The following LAMA2 variants were observed in gnomAD, a reference collection of about 807,000 sequenced individuals.
LAMA2 encodes laminin subunit alpha-2.
Under a neutral mutation model 364.8 loss-of-function variants are expected in LAMA2, and 269 were observed. The observed-to-expected ratio is 0.74, with a 90% CI of 0.67 to 0.82. The LOEUF (loss-of-function observed/expected upper bound fraction) is 0.82. Ranked by LOEUF, LAMA2 falls within the 40% of genes least tolerant of loss-of-function variation. The probability of loss-of-function intolerance (pLI) is 0.00; values close to 1 mark genes in which losing one functional copy is unlikely to be tolerated. For missense variants in LAMA2, 3,807 were observed against 3,873.2 expected (o/e 0.98, Z 0.45); for synonymous variants, 1,379 against 1,370.6 (o/e 1.01, Z -0.14).
intron 12 of LAMA2, among the ~76,000 whole-genome samples, chr6:129,227,539 T>C (rs111690153): frequency 1.1e-3 from 162 of 152,346 alleles, no homozygotes; most frequent in African/African-American, 3.6e-3. Flanking sequence ...TTAGTTTTCC[T>C]TCTTACAGTC....
chr6:129,500,250 T>C (rs1218993105), intron 58 of LAMA2, among the ~76,000 whole-genome samples: 1 of 152,202 alleles, frequency 6.6e-6, no homozygotes, highest in Non-Finnish European at 1.5e-5. Context: ...TCAGTCCTTT[T>C]CCAACTGCCA....
intron 4 of LAMA2, among the ~76,000 whole-genome samples, chr6:129,100,372 A>C (rs1775452800): frequency 6.6e-6 from 1 of 152,198 alleles, no homozygotes; most frequent in Non-Finnish European, 1.5e-5. Flanking sequence ...ACTCATGGGG[A>C]AGTGAATGAA....
In LAMA2 at chr6:129,292,616, A is replaced by G. The variant is rs185461675; in HGVS notation, c.2856+896A>G. On this transcript the variant is annotated intron_variant, in intron 20 of 64. Coordinates refer to ENST00000421865, the MANE Select transcript of LAMA2 (RefSeq NM_000426.4). ...CAGATTCCTCCATGAGGGTGGACAG[A>G]TTTGCTCTAGCGCTTTCACAAAAAT... 7.0e-4 allele frequency among the ~76,000 whole-genome samples: 106 copies of G among 152,338 alleles called. 1 individual carries two copies. The East Asian group carries it at 0.019, about 27-fold the overall frequency.
rs749575030 is a variant in LAMA2 at position 129,494,898 on chromosome 6, A to G, written c.8244+2415A>G. On this transcript the variant is annotated intron_variant, in intron 58 of 64. Transcript: ENST00000421865. ...CATGTTTTCAGTTGAAGAATTAGAA[A>G]ACATCATGAGTTGAATAAACTTTTT... is the stretch of plus-strand genomic sequence containing the variant. Among the ~76,000 whole-genome samples the G allele has an allele frequency of 1.2e-3, 187 of 152,376 alleles. 3 individuals are homozygous for G. Among genetic ancestry groups the G allele is most frequent in the Non-Finnish European group, 1.3e-3 (90 of 68,046 alleles).
intron 12 of LAMA2, among the ~76,000 whole-genome samples, chr6:129,207,301 T>C (rs1782741418): frequency 1.3e-5 from 2 of 152,224 alleles, no homozygotes; most frequent in African/African-American, 4.8e-5. Context: ...TCTTTTTTTT[T>C]TCTTCACTTT....
chr6:129,248,799 G>C (rs1401294276), intron 12 of LAMA2, among the ~76,000 whole-genome samples: 1 of 152,118 alleles, frequency 6.6e-6, no homozygotes, highest in Admixed American at 6.5e-5. Flanking sequence ...GAAGAAGCAT[G>C]CTGTGTGAAA....
chr6:129,061,318 G>C (rs1156902637), intron 3 of LAMA2, among the ~76,000 whole-genome samples: 1 of 152,030 alleles, frequency 6.6e-6, no homozygotes, highest in Non-Finnish European at 1.5e-5. Flanking sequence ...TTATTGTTCT[G>C]GTTTATTCTC....
chr6:128,955,520 A>C (rs1371086519), intron 1 of LAMA2, among the ~76,000 whole-genome samples: 1 of 152,008 alleles, frequency 6.6e-6, no homozygotes, highest in East Asian at 1.9e-4. Flanking sequence ...CAAAATATGT[A>C]AAAGAACTCA....
chr6:129,317,110 C>T (rs893862678), intron 27 of LAMA2, among the ~76,000 whole-genome samples: 1 of 152,098 alleles, frequency 6.6e-6, no homozygotes, highest in Non-Finnish European at 1.5e-5. Flanking sequence ...CCCTCATGGT[C>T]ATATTCTTTG....
intron 4 of LAMA2, among the ~76,000 whole-genome samples, chr6:129,103,229 G>A (rs955292133): frequency 1.3e-5 from 2 of 152,198 alleles, no homozygotes; most frequent in African/African-American, 4.8e-5. Context: ...TGTTGTCATT[G>A]AGAGTGTTGA....
At chr6:129,461,214 T>G (rs1783238397) in intron 49 of LAMA2, among the ~76,000 whole-genome samples, 1 of 152,012 alleles carries the variant, frequency 6.6e-6, no homozygotes, top group South Asian at 2.1e-4. Flanking sequence ...CTAAGGAGTT[T>G]GTGTTATTTT....
chr6:129,104,976 G>A (rs1458341418), intron 4 of LAMA2, among the ~76,000 whole-genome samples: 1 of 152,150 alleles, frequency 6.6e-6, no homozygotes, highest in African/African-American at 2.4e-5. Context: ...GAGGATATAG[G>A]CAAGATAATA....
chr6:128,976,266 C>T (rs965899299), intron 1 of LAMA2, among the ~76,000 whole-genome samples: 1 of 152,182 alleles, frequency 6.6e-6, no homozygotes, highest in Non-Finnish European at 1.5e-5. Flanking sequence ...GAGAAAGATA[C>T]ATCTGGAGAG....
At chr6:129,026,106 A>G (rs998945199) in intron 1 of LAMA2, among the ~76,000 whole-genome samples, 5 of 152,172 alleles carry the variant, frequency 3.3e-5, no homozygotes, top group East Asian at 1.9e-4. Context: ...GACATAGACT[A>G]TTTTCCGTAA....
intron 1 of LAMA2, among the ~76,000 whole-genome samples, chr6:128,945,138 T>A (rs561513658): frequency 6.6e-6 from 1 of 152,332 alleles, no homozygotes; most frequent in Admixed American, 6.5e-5. Context: ...TTTTCAAATA[T>A]CTGAGAAAAT....
chr6:129,273,160 C>T (rs1788059457), intron 17 of LAMA2, among the ~76,000 whole-genome samples: 1 of 152,132 alleles, frequency 6.6e-6, no homozygotes, highest in Admixed American at 6.6e-5. Context: ...TAATTAAAGG[C>T]TACTCAAGCC....
chr6:129,435,793 C>T (rs1006113440), intron 41 of LAMA2, among the ~76,000 whole-genome samples: 1 of 152,152 alleles, frequency 6.6e-6, no homozygotes, highest in Admixed American at 6.6e-5. Flanking sequence ...CACATCCAGA[C>T]ACCGATAGTT....
intron 12 of LAMA2, among the ~76,000 whole-genome samples, chr6:129,231,231 CAT>C (rs1784650629): frequency 6.6e-6 from 1 of 152,050 alleles, no homozygotes; most frequent in South Asian, 2.1e-4. Flanking sequence ...TAGCACAAAA[CAT>C]AGAAACAAAG....
At chr6:129,346,212 A>T (rs1177059592) in intron 30 of LAMA2, among the ~76,000 whole-genome samples, 2 of 152,160 alleles carry the variant, frequency 1.3e-5, no homozygotes, top group Non-Finnish European at 2.9e-5. Flanking sequence ...AACCCTCTGT[A>T]ATCTGACTAC....
Sources: allele counts gnomAD v4.1 joint callset (sites outside exome capture counted in the v4.1 genomes callset), GRCh38; gene constraint gnomAD v4.1.1; transcripts MANE v1.5; gene names NCBI Gene and HGNC (gene_info 2026-07-23, HGNC 2026-07-21).